Variants in TUBGCP5 observed in about 807,000 individuals in gnomAD.
TUBGCP5 encodes the protein gamma-tubulin complex component 5.
A neutral mutation model predicts 134.7 loss-of-function variants in TUBGCP5; 98 were observed. The ratio of observed to expected loss-of-function variants is 0.73; its 90% CI spans 0.62 to 0.86. The LOEUF is 0.86. Ranked by LOEUF, TUBGCP5 falls within the 40% of genes least tolerant of loss-of-function variation. The pLI is 0.00. For missense variants in TUBGCP5, 1,150 were observed against 1,244.8 expected (o/e 0.92, Z 1.15); for synonymous variants, 456 against 431.4 (o/e 1.06, Z -0.71).
Position 22,999,587 on chromosome 15 carries a change from C to T in TUBGCP5, c.*233G>A. ...GGATACATTTTGTATTTTTGGTAGA[C>T]ACCGGGTTTCACCATGTTGCCCAGG... On this transcript the variant is annotated 3_prime_UTR_variant, in exon 23 of 23. Coordinates refer to ENST00000615383, the MANE Select transcript of TUBGCP5 (RefSeq NM_052903.6). 1 of 531,106 alleles carries T rather than the reference C, an allele frequency of 1.9e-6. No individual in the cohort carries two copies. The allele number at this position is 531,106 out of a possible 1,614,324, so 32.9% of individuals were successfully genotyped here.
At chr15:23,002,580 T>A (rs1269723823) in intron 21 of TUBGCP5, among the ~76,000 whole-genome samples, 2 of 152,166 alleles carry the variant, frequency 1.3e-5, no homozygotes, top group African/African-American at 4.8e-5. Flanking sequence ...TTAGAGCTCA[T>A]CCAAAATACA....
rs199763175 is a variant in TUBGCP5, at chr15:22,992,946, T to TA, written c.*61+3898dup. Among the ~76,000 whole-genome samples the TA allele has an allele frequency of 8.9e-4, 132 of 147,980 alleles. 3 individuals carry two copies. The South Asian group carries it at 0.011, about 12-fold the overall frequency. On this transcript the variant is annotated intron_variant and NMD_transcript_variant, in intron 23 of 23. Transcript: ENST00000614508. ...GAGAGCATTAACTGAGAGAAAGATT[T>TA]AAAAAAAAAAGGAGACAGAATTAAT...
chr15:23,028,379 TAAAAAAA>T (rs762310901), intron 6 of TUBGCP5, among the ~76,000 whole-genome samples: 1 of 91,070 alleles, frequency 1.1e-5, no homozygotes, highest in Admixed American at 1.3e-4. Context: ...GGCCCGGTCT[TAAAAAAA>T]AAAAAAAAAA....
chr15:23,039,340 A>T, intron 1 of TUBGCP5, 58 bp downstream of exon 1: 1 of 1,306,330 alleles, frequency 7.7e-7, no homozygotes, highest in Non-Finnish European at 9.8e-7. Context: ...GCTGTGCGGG[A>T]CCCACGCGCG....
intron 3 of TUBGCP5, among the ~76,000 whole-genome samples, chr15:23,036,642 T>G (rs2066603890): frequency 6.6e-6 from 1 of 152,206 alleles, no homozygotes; most frequent in East Asian, 1.9e-4. Context: ...ACAATGCTAC[T>G]ATTTGTATCA....
chr15:22,989,308 C>T (rs551453984), intron 23 of TUBGCP5, among the ~76,000 whole-genome samples: 22 of 152,242 alleles, frequency 1.4e-4, no homozygotes, highest in East Asian at 1.4e-3. Flanking sequence ...CCATTGAATC[C>T]GGCCCAGCTG....
intron 3 of TUBGCP5, among the ~76,000 whole-genome samples, chr15:23,036,694 A>C (rs1304995291): frequency 6.6e-6 from 1 of 152,198 alleles, no homozygotes; most frequent in Non-Finnish European, 1.5e-5. Flanking sequence ...AGGTGAAAAA[A>C]TGATTAAAAA....
intron 21 of TUBGCP5, among the ~76,000 whole-genome samples, chr15:23,002,176 G>T (rs1262202619): frequency 6.6e-6 from 1 of 150,980 alleles, no homozygotes; most frequent in Non-Finnish European, 1.5e-5. Flanking sequence ...AATATATTTT[G>T]CACACTTTGA....
rs1322316143 is a variant in TUBGCP5 at position 23,024,042 on chromosome 15, A to G, written c.1073T>C (p.Phe358Ser). The change falls in exon 10 of 23, where the codon TTT becomes TCT. Residue 358 changes from phenylalanine (F) to serine (S), a missense_variant. Around this residue, in one of 2 missense-constraint regions of TUBGCP5, gnomAD observed 697 missense variants for 850.1 expected, o/e 0.82. Transcript: ENST00000615383. ...CCACATGAAAGCCTGGTAGGTTCTAAAGGGAGCTTCAGTTGACTTCTTAGG... is the reference window on the plus strand; with the variant it reads ...CCACATGAAAGCCTGGTAGGTTCTAGAGGGAGCTTCAGTTGACTTCTTAGG... Reference protein sequence around the residue: ...SVPKKSTEAPFRTYQAFMWAL... With the variant: ...SVPKKSTEAPSRTYQAFMWAL... 2 of 1,614,162 alleles carry G rather than the reference A, an allele frequency of 1.2e-6. No individual in the cohort carries two copies. Among genetic ancestry groups the G allele is most frequent in the Non-Finnish European group, 8.5e-7 (1 of 1,180,016 alleles).
At chr15:22,987,409 C>T (rs1203569567) in intron 23 of TUBGCP5, among the ~76,000 whole-genome samples, 1 of 151,542 alleles carries the variant, frequency 6.6e-6, no homozygotes, top group Admixed American at 6.6e-5. Context: ...CAAATTACTA[C>T]AAATTTTTGG....
chr15:23,008,715 G>A lies in TUBGCP5; in HGVS notation c.2311C>T (p.Pro771Ser). 1 of 1,608,142 alleles carries A rather than the reference G, an allele frequency of 6.2e-7. No homozygotes were observed. Among genetic ancestry groups the A allele is most frequent in the Non-Finnish European group, 8.5e-7 (1 of 1,178,688 alleles). Reference protein sequence around the residue: ...QLQEAVGQRYPEDSSRLSISF... With the variant: ...QLQEAVGQRYSEDSSRLSISF... ...ATATTTTACCGTGAACTATCTTCAG[G>A]ATAACGCTGTCCTACTGCTTCTTGG... is the stretch of plus-strand genomic sequence containing the variant. Residue 771 changes from proline to serine, a missense_variant, in exon 16 of 23, where the codon CCT (proline) becomes TCT (serine). Coordinates refer to ENST00000615383, the MANE Select transcript of TUBGCP5 (RefSeq NM_052903.6).
chr15:23,000,427 TG>T, intron 22 of TUBGCP5, 141 bp downstream of exon 22: 1 of 1,430,972 alleles, frequency 7.0e-7, no homozygotes, highest in Non-Finnish European at 9.1e-7. Flanking sequence ...ATTCAAAGCA[TG>T]GGACAACTGC....
intron 6 of TUBGCP5, among the ~76,000 whole-genome samples, chr15:23,030,201 AAAAAG>A (rs981134872): frequency 3.3e-5 from 5 of 152,108 alleles, no homozygotes; most frequent in African/African-American, 1.2e-4. Flanking sequence ...GTCTCCAAAA[AAAAAG>A]AAAAGGAGCC....
intron 8 of TUBGCP5, among the ~76,000 whole-genome samples, chr15:23,025,032 G>A (rs1008423661): frequency 6.6e-6 from 1 of 152,052 alleles, no homozygotes; most frequent in Non-Finnish European, 1.5e-5. Context: ...CTCTCCAGCA[G>A]TTGGGACTAC....
At position 23,039,519 on chromosome 15, in the gene TUBGCP5, T is replaced by A; in HGVS notation, c.25A>T (p.Ser9Cys). The change falls in exon 1 of 23, where the codon AGT becomes TGT. Residue 9 changes from serine to cysteine, a missense_variant. Physicochemically the swap from Ser to Cys is moderately radical, Grantham distance 112. Coordinates refer to ENST00000615383, the MANE Select transcript of TUBGCP5 (RefSeq NM_052903.6). ...CGCTCCTGCTGCGCGTCCAACCGAC[T>A]CCACGGTGGCCCGTGCCGCGCCATG... MARHGPPW[S>C]RLDAQQERDV... is the part of the protein sequence containing the mutation. 1 of 1,497,748 alleles carries A rather than the reference T, an allele frequency of 6.7e-7. No individual in the cohort carries two copies. Among genetic ancestry groups the A allele is most frequent in the South Asian group, 1.3e-5 (1 of 78,686 alleles). The allele number at this position is 1,497,748 out of a possible 1,614,324, so 92.8% of individuals were successfully genotyped here.
intron 1 of TUBGCP5, among the ~76,000 whole-genome samples, chr15:23,037,579 ATATT>A (rs1484816988): frequency 6.6e-6 from 1 of 152,214 alleles, no homozygotes; most frequent in Non-Finnish European, 1.5e-5. Flanking sequence ...CAGTTGTCAA[ATATT>A]TAAAGAAGTT....
chr15:23,017,806 C>G lies in TUBGCP5; in HGVS notation c.1723G>C (p.Ala575Pro). 2 of 1,613,932 alleles carry G rather than the reference C, an allele frequency of 1.2e-6. No homozygotes were observed. The highest frequency in any genetic ancestry group is 1.7e-6 in the Non-Finnish European group (2 of 1,179,856). Residue 575 changes from alanine (A) to proline (P), a missense_variant, in exon 13 of 23, where the codon GCG becomes CCG. Physicochemically the swap from Ala to Pro is conservative, Grantham distance 27. Coordinates refer to ENST00000615383, the MANE Select transcript of TUBGCP5 (RefSeq NM_052903.6). ...SMQLLKNLQC[A>P]ESTTCQAGAR... ...CCTGCCTGGCAGGTGGTGCTCTCCG[C>G]ACACTGCAGGTTCTTCAGCAGCTGC...
intron 13 of TUBGCP5, among the ~76,000 whole-genome samples, chr15:23,016,181 A>G (rs1166477690): frequency 1.3e-5 from 2 of 152,228 alleles, no homozygotes; most frequent in Non-Finnish European, 2.9e-5. Context: ...TTAACAAACA[A>G]ATTTTACAGT....
At chr15:22,995,031 G>A (rs2064004102), downstream of TUBGCP5, among the ~76,000 whole-genome samples, 1 of 152,148 alleles carries the variant, frequency 6.6e-6, no homozygotes, top group South Asian at 2.1e-4. Context: ...ATCACTCGAG[G>A]TCGGGAGTTC....
Sources: gnomAD v4.1 joint callset for allele counts (sites outside exome capture counted in the v4.1 genomes callset) on GRCh38, gnomAD v4.1.1 for gene constraint, gnomAD v4.1.1 regional missense constraint, MANE v1.5 for transcripts, NCBI Gene and HGNC (gene_info 2026-07-23, HGNC 2026-07-21) for gene names.